AGBL4: variants seen among roughly 807,000 people sequenced by gnomAD.
AGBL4 encodes the protein cytosolic carboxypeptidase 6.
A neutral mutation model predicts 66.4 loss-of-function variants in AGBL4; 58 were observed. That is an observed-to-expected ratio of 0.87 (90% confidence interval 0.71 to 1.09). The LOEUF (loss-of-function observed/expected upper bound fraction) is 1.09, where lower values mean the gene tolerates loss of function less well. AGBL4 is among the 50% of genes least tolerant of loss of function. The probability of loss-of-function intolerance (pLI) is 0.00; values close to 1 mark genes in which losing one functional copy is unlikely to be tolerated. For missense variants in AGBL4, 579 were observed against 631.0 expected (o/e 0.92, Z 0.88); for synonymous variants, 234 against 222.9 (o/e 1.05, Z -0.44).
intron 5 of AGBL4, among the ~76,000 whole-genome samples, chr1:48,935,827 C>T (rs1466067283): frequency 6.6e-6 from 1 of 151,158 alleles, no homozygotes; most frequent in Non-Finnish European, 1.5e-5. Flanking sequence ...GGCGTGGTAG[C>T]AGGCACCTGT....
At chr1:49,782,808 C>A (rs1201838358) in intron 2 of AGBL4, among the ~76,000 whole-genome samples, 1 of 152,146 alleles carries the variant, frequency 6.6e-6, no homozygotes, top group Admixed American at 6.5e-5. Context: ...ACTCTCTTTG[C>A]CCTTCTGCCA....
chr1:48,721,846 CAG>C (rs1266405447), intron 6 of AGBL4, among the ~76,000 whole-genome samples: 1 of 152,186 alleles, frequency 6.6e-6, no homozygotes, highest in Non-Finnish European at 1.5e-5. Flanking sequence ...GATTGGGCCC[CAG>C]TCTCCTAATA....
intron 3 of AGBL4, among the ~76,000 whole-genome samples, chr1:49,263,850 T>TA (rs1653471099): frequency 6.6e-6 from 1 of 152,164 alleles, no homozygotes; most frequent in Non-Finnish European, 1.5e-5. Flanking sequence ...ACTGTATCAG[T>TA]ATTCATTTAT....
At chr1:49,612,783 G>C (rs1365403458) in intron 3 of AGBL4, among the ~76,000 whole-genome samples, 2 of 152,182 alleles carry the variant, frequency 1.3e-5, no homozygotes, top group Admixed American at 6.5e-5. Context: ...TGGTGGGAAT[G>C]TAAATTAAAT....
rs78929796 is a variant in AGBL4, at chr1:48,643,090, T to G, written c.840-8486A>C. Among the ~76,000 whole-genome samples, 323 of 152,308 alleles carry G rather than the reference T, an allele frequency of 2.1e-3. 12 individuals carry two copies. In the East Asian group the frequency reaches 0.054, roughly 25 times the overall value. ...AAAATGCCAAGGACACCATCTAGAT[T>G]GAGATAAGTGCTACACATGTTAGCT... On this transcript the variant is annotated intron_variant, in intron 8 of 13. Coordinates refer to ENST00000371839, the MANE Select transcript of AGBL4 (RefSeq NM_032785.4).
intron 3 of AGBL4, among the ~76,000 whole-genome samples, chr1:49,659,193 C>A (rs1646218619): frequency 6.6e-6 from 1 of 152,154 alleles, no homozygotes; most frequent in African/African-American, 2.4e-5. Flanking sequence ...ATACCATTAT[C>A]AGCCACTAAA....
At chr1:49,221,217 A>T (rs545441072) in intron 4 of AGBL4, among the ~76,000 whole-genome samples, 1 of 152,242 alleles carries the variant, frequency 6.6e-6, no homozygotes, top group Admixed American at 6.5e-5. Flanking sequence ...TTCAAAAAAA[A>T]CAAAAGAATC....
At chr1:48,561,683 G>A (rs995292029) in intron 11 of AGBL4, among the ~76,000 whole-genome samples, 3 of 152,234 alleles carry the variant, frequency 2.0e-5, no homozygotes, top group African/African-American at 7.2e-5. Context: ...AAGAGGCTGA[G>A]AGGGAATGCC....
chr1:48,718,833 AGTGT>A (rs1256022958), intron 6 of AGBL4, among the ~76,000 whole-genome samples: 1 of 152,108 alleles, frequency 6.6e-6, no homozygotes, highest in East Asian at 1.9e-4. Flanking sequence ...CCACAGGTGG[AGTGT>A]GACACCCTAA....
intron 5 of AGBL4, among the ~76,000 whole-genome samples, chr1:48,948,195 C>T (rs188126340): frequency 1.8e-3 from 272 of 152,338 alleles, no homozygotes; most frequent in Admixed American, 3.6e-3. Context: ...AGCAAAGCCA[C>T]GTCACAGATG....
intron 4 of AGBL4, among the ~76,000 whole-genome samples, chr1:49,232,303 T>C (rs969762136): frequency 6.6e-6 from 1 of 152,084 alleles, no homozygotes; most frequent in African/African-American, 2.4e-5. Context: ...TTGGCACATA[T>C]GGAGAGATTG....
intron 5 of AGBL4, among the ~76,000 whole-genome samples, chr1:48,994,918 A>G (rs1660885168): frequency 6.6e-6 from 1 of 152,240 alleles, no homozygotes; most frequent in African/African-American, 2.4e-5. Flanking sequence ...ATCCAGGGAA[A>G]AATCCCATGA....
chr1:49,327,347 C>T (rs949301404), intron 3 of AGBL4, among the ~76,000 whole-genome samples: 2 of 152,202 alleles, frequency 1.3e-5, no homozygotes, highest in African/African-American at 4.8e-5. Context: ...ACTAAACAAA[C>T]TAGGCTGCTG....
chr1:48,825,422 T>G (rs1646407110), intron 6 of AGBL4, among the ~76,000 whole-genome samples: 1 of 152,180 alleles, frequency 6.6e-6, no homozygotes, highest in Admixed American at 6.5e-5. Context: ...AACTAGGACT[T>G]TGTGGCACAA....
At chr1:48,752,970 G>C (rs61772571) in intron 6 of AGBL4, among the ~76,000 whole-genome samples, 20 of 151,914 alleles carry the variant, frequency 1.3e-4, no homozygotes, top group Admixed American at 9.2e-4. Context: ...GGATGGTCTC[G>C]ATCTCTTGAC....
intron 4 of AGBL4, among the ~76,000 whole-genome samples, chr1:49,209,560 C>T (rs1268598155): frequency 2.0e-5 from 3 of 152,052 alleles, no homozygotes; most frequent in East Asian, 1.9e-4. Flanking sequence ...TTAGCCTAGT[C>T]TGGTAATGTG....
chr1:48,625,991 T>C (rs1645496175), intron 9 of AGBL4, among the ~76,000 whole-genome samples: 1 of 152,198 alleles, frequency 6.6e-6, no homozygotes, highest in Non-Finnish European at 1.5e-5. Context: ...GGAAAAACTG[T>C]AAAAATTTCA....
chr1:49,812,763 C>A lies in AGBL4; in HGVS notation c.157+38633G>T, dbSNP rs542401133. Among the ~76,000 whole-genome samples the A allele has an allele frequency of 2.4e-4, 37 of 152,230 alleles. No individual in the cohort carries two copies. In the South Asian group the frequency reaches 7.7e-3, roughly 32 times the overall value. ...ACTTTGGTCTCATCAATTTTCTAGT[C>A]ATTTATTCTGCAAACATTTACTGCA... On this transcript the variant is annotated intron_variant, in intron 2 of 13. Coordinates refer to ENST00000371839, the MANE Select transcript of AGBL4 (RefSeq NM_032785.4).
chr1:48,611,542 T>C (rs1324379789), intron 9 of AGBL4, among the ~76,000 whole-genome samples: 2 of 152,226 alleles, frequency 1.3e-5, no homozygotes. Context: ...TAAAGGACTT[T>C]TAAAAATAGT....
Sources: gnomAD v4.1 joint callset for allele counts (sites outside exome capture counted in the v4.1 genomes callset) on GRCh38, gnomAD v4.1.1 for gene constraint, MANE v1.5 for transcripts, NCBI Gene and HGNC (gene_info 2026-07-23, HGNC 2026-07-21) for gene names.